The following RBFOX1 variants were observed in gnomAD, a reference collection of about 807,000 sequenced individuals.
RBFOX1 encodes the protein RNA binding fox-1 homolog 1.
A neutral mutation model predicts 57.7 loss-of-function variants in RBFOX1; 8 were observed. That is an observed-to-expected ratio of 0.14 (90% CI 0.08 to 0.25). The LOEUF (loss-of-function observed/expected upper bound fraction) is 0.25. Ranked by LOEUF, RBFOX1 falls within the 10% of genes least tolerant of loss-of-function variation. The probability of loss-of-function intolerance (pLI) is 1.00; values close to 1 mark genes in which losing one functional copy is unlikely to be tolerated. For synonymous variants in RBFOX1, 326 were observed against 222.4 expected, an observed-to-expected ratio of 1.47 and a Z score of -4.15; for missense variants, 611 against 548.5, an observed-to-expected ratio of 1.11 and a Z score of -1.14.
At chr16:5,699,719 C>G (rs1218601081) in intron 3 of RBFOX1, among the ~76,000 whole-genome samples, 1 of 152,144 alleles carries the variant, frequency 6.6e-6, no homozygotes, top group Non-Finnish European at 1.5e-5. Context: ...CAGGACAGCT[C>G]TTCATTGTAC....
chr16:7,682,134 A>G (rs1307141746), intron 14 of RBFOX1, among the ~76,000 whole-genome samples: 1 of 152,186 alleles, frequency 6.6e-6, no homozygotes, highest in Non-Finnish European at 1.5e-5. Flanking sequence ...AAAGATTTAT[A>G]AAATTAGAAC....
intron 3 of RBFOX1, among the ~76,000 whole-genome samples, chr16:6,793,256 G>T (rs1356838857): frequency 6.6e-6 from 1 of 152,124 alleles, no homozygotes; most frequent in African/African-American, 2.4e-5. Context: ...AGACCGATTG[G>T]AGGAGAAATG....
At chr16:6,137,520 GGTCTC>G (rs938493151) in intron 1 of RBFOX1, among the ~76,000 whole-genome samples, 1 of 151,696 alleles carries the variant, frequency 6.6e-6, no homozygotes, top group African/African-American at 2.4e-5. Context: ...TGGTCAGGCT[GGTCTC>G]GAGCTCCTGA....
chr16:6,847,905 T>C (rs2093845758), intron 3 of RBFOX1, among the ~76,000 whole-genome samples: 1 of 152,018 alleles, frequency 6.6e-6, no homozygotes, highest in South Asian at 2.1e-4. Context: ...TGGCACAATC[T>C]TGGCTCACTG....
intron 4 of RBFOX1, among the ~76,000 whole-genome samples, chr16:7,236,898 G>A (rs1033457169): frequency 1.3e-5 from 2 of 152,120 alleles, no homozygotes; most frequent in Non-Finnish European, 2.9e-5. Context: ...CTGTTGTTGG[G>A]AGGATTTCTA....
At chr16:6,134,824 C>A (rs779161722) in intron 1 of RBFOX1, among the ~76,000 whole-genome samples, 1 of 146,252 alleles carries the variant, frequency 6.8e-6, no homozygotes, top group Non-Finnish European at 1.5e-5. Flanking sequence ...CATTCTCTAG[C>A]ATCTTACCCC....
intron 3 of RBFOX1, among the ~76,000 whole-genome samples, chr16:6,751,681 C>G (rs1185346210): frequency 6.6e-6 from 1 of 152,120 alleles, no homozygotes; most frequent in East Asian, 1.9e-4. Context: ...CGTTGGTTAT[C>G]ATCAGCTTGC....
intron 14 of RBFOX1, among the ~76,000 whole-genome samples, chr16:7,687,084 G>C (rs1568459790): frequency 6.6e-6 from 1 of 152,122 alleles, no homozygotes; most frequent in Non-Finnish European, 1.5e-5. Context: ...TTCAAAAAGA[G>C]ATAGGTGTAG....
chr16:6,027,634 T>C (rs2095221205), intron 1 of RBFOX1, among the ~76,000 whole-genome samples: 1 of 152,230 alleles, frequency 6.6e-6, no homozygotes, highest in Admixed American at 6.5e-5. Flanking sequence ...AGTGTGTGTT[T>C]AGTGCAAGTA....
At chr16:7,313,013 C>G (rs2096353527) in intron 4 of RBFOX1, among the ~76,000 whole-genome samples, 1 of 152,022 alleles carries the variant, frequency 6.6e-6, no homozygotes, top group South Asian at 2.1e-4. Flanking sequence ...TTTTCATGCC[C>G]TGGATCTGTT....
chr16:6,799,223 C>T (rs1043155528), intron 3 of RBFOX1, among the ~76,000 whole-genome samples: 1 of 152,084 alleles, frequency 6.6e-6, no homozygotes, highest in Non-Finnish European at 1.5e-5. Flanking sequence ...AAACCGTGCA[C>T]AGCAATATGG....
intron 1 of RBFOX1, among the ~76,000 whole-genome samples, chr16:5,455,699 C>T (rs1333515775): frequency 1.3e-5 from 2 of 152,188 alleles, no homozygotes; most frequent in Non-Finnish European, 2.9e-5. Flanking sequence ...AGACAGGCAG[C>T]CCTTTAGCGG....
chr16:5,689,926 A>G (rs895809482), intron 3 of RBFOX1, among the ~76,000 whole-genome samples: 2 of 152,206 alleles, frequency 1.3e-5, no homozygotes, highest in Non-Finnish European at 2.9e-5. Context: ...GTCTCTCTGA[A>G]GTATTGACCT....
intron 1 of RBFOX1, among the ~76,000 whole-genome samples, chr16:6,044,030 C>G (rs574962882): frequency 2.0e-5 from 3 of 152,290 alleles, no homozygotes; most frequent in East Asian, 3.9e-4. Context: ...GGTGCTCTGC[C>G]TACACCTTTG....
At chr16:6,657,056 CCCTTT>C (rs2098662349) in intron 3 of RBFOX1, among the ~76,000 whole-genome samples, 1 of 93,772 alleles carries the variant, frequency 1.1e-5, no homozygotes, top group Non-Finnish European at 2.1e-5. Context: ...TCCTCTCCTC[CCCTTT>C]CCTCTCCTCT....
chr16:5,891,798 C>G (rs1006252810), intron 4 of RBFOX1, among the ~76,000 whole-genome samples: 6 of 152,170 alleles, frequency 3.9e-5, no homozygotes, highest in Non-Finnish European at 8.8e-5. Flanking sequence ...CATCTGATAG[C>G]CAGTGTGGTC....
At chr16:6,735,263 C>T (rs2069844932) in intron 3 of RBFOX1, among the ~76,000 whole-genome samples, 1 of 152,150 alleles carries the variant, frequency 6.6e-6, no homozygotes, top group Non-Finnish European at 1.5e-5. Flanking sequence ...GAGTTAAGTA[C>T]ACTTGCCTCC....
intron 2 of RBFOX1, among the ~76,000 whole-genome samples, chr16:6,540,391 G>A (rs980011435): frequency 6.6e-6 from 1 of 151,664 alleles, no homozygotes; most frequent in Non-Finnish European, 1.5e-5. Context: ...AGCTGGGTGG[G>A]TTACAAGGTC....
At chr16:7,077,332 T>G (rs915781614) in intron 4 of RBFOX1, among the ~76,000 whole-genome samples, 14 of 152,192 alleles carry the variant, frequency 9.2e-5, no homozygotes, top group African/African-American at 2.9e-4. Context: ...AAATGCAGTT[T>G]TGCAAACTGC....
Sources: gnomAD v4.1 joint callset for allele counts (sites outside exome capture counted in the v4.1 genomes callset) on GRCh38, gnomAD v4.1.1 for gene constraint, MANE v1.5 for transcripts, NCBI Gene and HGNC (gene_info 2026-07-23, HGNC 2026-07-21) for gene names.